Variants in RALGPS1 observed in about 807,000 individuals in gnomAD.
The protein encoded by RALGPS1 is Ral GEF with PH domain and SH3 binding motif 1, also known as ras-specific guanine nucleotide-releasing factor RalGPS1.
In RALGPS1, 19 loss-of-function variants were observed where a neutral mutation model predicts 78.8. The ratio of observed to expected loss-of-function variants is 0.24; its 90% CI spans 0.17 to 0.35. The LOEUF is 0.35. Among genes scored for constraint, RALGPS1 ranks in the 10% least tolerant of loss-of-function variants. The pLI is 1.00. For missense variants in RALGPS1, 454 were observed against 688.3 expected (o/e 0.66, Z 3.81); for synonymous variants, 228 against 256.3 (o/e 0.89, Z 1.06).
At chr9:127,034,574 G>T in intron 5 of RALGPS1, 60 bp downstream of exon 5, 1 of 1,481,454 alleles carries the variant, frequency 6.8e-7, no homozygotes, top group Non-Finnish European at 9.4e-7. Flanking sequence ...TCCCCTGTAG[G>T]CTGCGAGCCC....
chr9:127,006,162 G>T (rs1564404488), intron 4 of RALGPS1, among the ~76,000 whole-genome samples: 1 of 152,180 alleles, frequency 6.6e-6, no homozygotes, highest in Admixed American at 6.6e-5. Flanking sequence ...AGACTAGGAT[G>T]CCCACTGTCA....
chr9:127,045,521 A>G (rs2047673728), intron 5 of RALGPS1, among the ~76,000 whole-genome samples: 1 of 152,236 alleles, frequency 6.6e-6, no homozygotes, highest in African/African-American at 2.4e-5. Flanking sequence ...ATAAGAGAGT[A>G]TAATGAAATG....
chr9:127,037,003 A>G (rs1418675056), intron 5 of RALGPS1, among the ~76,000 whole-genome samples: 11 of 152,350 alleles, frequency 7.2e-5, no homozygotes, highest in East Asian at 1.9e-4. Flanking sequence ...TCTTATCGCA[A>G]CAACTTATTA....
At chr9:127,110,851 C>T (rs939149452) in intron 8 of RALGPS1, among the ~76,000 whole-genome samples, 1 of 152,184 alleles carries the variant, frequency 6.6e-6, no homozygotes, top group African/African-American at 2.4e-5. Flanking sequence ...TTGCAACCCA[C>T]CTGCATCATT....
At chr9:127,210,703 G>T (rs762229776) in intron 14 of RALGPS1, 1 of 1,550,322 alleles carries the variant, frequency 6.5e-7, no homozygotes, top group Non-Finnish European at 8.7e-7. Flanking sequence ...AGCAGGGGAC[G>T]TCTCTATGCC....
intron 4 of RALGPS1, among the ~76,000 whole-genome samples, chr9:127,025,622 T>C (rs1226265358): frequency 1.3e-5 from 2 of 152,226 alleles, no homozygotes; most frequent in African/African-American, 2.4e-5. Flanking sequence ...ACTAATGACA[T>C]AGAGCACCTT....
intron 8 of RALGPS1, among the ~76,000 whole-genome samples, chr9:127,115,957 A>G (rs560115776): frequency 3.3e-5 from 5 of 152,266 alleles, no homozygotes; most frequent in African/African-American, 1.2e-4. Flanking sequence ...CTGGCTGAGG[A>G]TGCTATGAAT....
chr9:127,049,230 G>A (rs1452739871), intron 5 of RALGPS1, among the ~76,000 whole-genome samples: 1 of 152,178 alleles, frequency 6.6e-6, no homozygotes, highest in African/African-American at 2.4e-5. Flanking sequence ...ACATAAACAG[G>A]AAGAGCTAGC....
chr9:127,090,926 G>GT (rs546280982), intron 8 of RALGPS1, among the ~76,000 whole-genome samples: 21 of 152,130 alleles, frequency 1.4e-4, no homozygotes, highest in Non-Finnish European at 2.1e-4. Flanking sequence ...CTGATTTTCT[G>GT]TTTTTTTCTC....
At chr9:127,015,631 A>G (rs2044745535) in intron 4 of RALGPS1, among the ~76,000 whole-genome samples, 1 of 152,106 alleles carries the variant, frequency 6.6e-6, no homozygotes, top group African/African-American at 2.4e-5. Flanking sequence ...AGCGTCCCCA[A>G]GATGGTCCTG....
At chr9:127,193,743 C>T (rs571115104) in intron 11 of RALGPS1, among the ~76,000 whole-genome samples, 8 of 152,176 alleles carry the variant, frequency 5.3e-5, no homozygotes, top group African/African-American at 1.9e-4. Context: ...CTTATGGGTC[C>T]CCCCAAGAAA....
rs1488587876 is a variant in RALGPS1, at chr9:127,196,591, T to C, written c.1155T>C (p.Ala385=). 3.7e-6 allele frequency: 6 copies of C among 1,612,850 alleles called. No homozygotes were observed. Among genetic ancestry groups the C allele is most frequent in the Admixed American group, 1.7e-5 (1 of 59,802 alleles). The change falls in exon 13 of 19, where the codon GCT becomes GCC. Residue 385 remains alanine, a synonymous_variant. Transcript: ENST00000259351. ...LESRSPRRGL[A]LTSSSAVTNG... ...CCCGCAGCCCCCGAAGGGGCCTGGCTCTGACCTCCTCCTCTGCTGTCACCA... is the reference window on the plus strand; with the variant it reads ...CCCGCAGCCCCCGAAGGGGCCTGGCCCTGACCTCCTCCTCTGCTGTCACCA...
At chr9:127,058,744 G>A (rs2048953063) in intron 7 of RALGPS1, among the ~76,000 whole-genome samples, 2 of 152,168 alleles carry the variant, frequency 1.3e-5, no homozygotes, top group South Asian at 2.1e-4. Flanking sequence ...AGTAATTACA[G>A]TCAGGTGCTA....
chr9:127,198,982 C>T (rs751924233), intron 13 of RALGPS1, 33 bp from the exon 14 acceptor site: 14 of 1,602,974 alleles, frequency 8.7e-6, no homozygotes, highest in East Asian at 4.5e-5. Context: ...TCTGTGAAGC[C>T]GTTGTGCTCA....
chr9:127,065,993 A>G (rs1041239457), intron 7 of RALGPS1, among the ~76,000 whole-genome samples: 3 of 152,226 alleles, frequency 2.0e-5, no homozygotes, highest in African/African-American at 7.2e-5. Flanking sequence ...AAGGGAGCAG[A>G]TGAGTAAAGT....
At chr9:126,938,384 C>T (rs2036458232) in intron 1 of RALGPS1, among the ~76,000 whole-genome samples, 3 of 152,210 alleles carry the variant, frequency 2.0e-5, no homozygotes, top group Non-Finnish European at 4.4e-5. Flanking sequence ...GGTGTAGTAG[C>T]CATAGGCCCT....
intron 8 of RALGPS1, among the ~76,000 whole-genome samples, chr9:127,080,704 C>T (rs2051093864): frequency 6.6e-6 from 1 of 152,206 alleles, no homozygotes; most frequent in Non-Finnish European, 1.5e-5. Context: ...TGTGTCCCAA[C>T]TGATAAATAT....
intron 14 of RALGPS1, chr9:127,210,707 C>G (rs1385967773): frequency 3.2e-6 from 5 of 1,550,500 alleles, no homozygotes; most frequent in Admixed American, 3.9e-5. Context: ...GGGGACGTCT[C>G]TATGCCACCC....
At chr9:126,957,333 G>T (rs1361685288) in intron 1 of RALGPS1, among the ~76,000 whole-genome samples, 4 of 152,060 alleles carry the variant, frequency 2.6e-5, no homozygotes, top group Admixed American at 2.6e-4. Context: ...GGGAGAGCAA[G>T]GCCTCTCGTT....
Sources: allele counts gnomAD v4.1 joint callset (sites outside exome capture counted in the v4.1 genomes callset), GRCh38; gene constraint gnomAD v4.1.1; transcripts MANE v1.5; gene names NCBI Gene and HGNC (gene_info 2026-07-23, HGNC 2026-07-21).